The following C6orf89 variants were observed in gnomAD, a reference collection of about 807,000 sequenced individuals.
The protein encoded by C6orf89 is bombesin receptor-activated protein C6orf89.
In C6orf89, 29 loss-of-function variants were observed where a neutral mutation model predicts 40.7. That is an observed-to-expected ratio of 0.71 (90% CI 0.53 to 0.97). The LOEUF is 0.97. Among genes scored for constraint, C6orf89 ranks in the 50% least tolerant of loss-of-function variants. The pLI, the probability that C6orf89 is intolerant of heterozygous loss-of-function variation, is 0.00. For missense variants in C6orf89, 392 were observed against 429.1 expected, an observed-to-expected ratio of 0.91 and a Z score of 0.76; for synonymous variants, 165 against 152.2, an observed-to-expected ratio of 1.08 and a Z score of -0.62.
At position 36,923,854 on chromosome 6, in the gene C6orf89, G is replaced by GGCCTGCTTGTCCCTGTCTT. The variant is rs1328543553; in HGVS notation, c.*420_*438dup. 3 of 279,178 alleles carry GGCCTGCTTGTCCCTGTCTT rather than the reference G, an allele frequency of 1.1e-5. No homozygotes were observed. Among genetic ancestry groups the GGCCTGCTTGTCCCTGTCTT allele is most frequent in the African/African-American group, 6.6e-5 (3 of 45,556 alleles). 17.3% of individuals were successfully genotyped at this position (279,178 alleles called of 1,614,324 possible). A position where few individuals can be genotyped will look rare whatever the true frequency, so the allele number is the denominator to read the frequency against. ...TGTCAGAGCCATCCTTTACCAGGTG[G>GGCCTGCTTGTCCCTGTCTT]GCCTGCTTGTCCCTGTCTTGCCTGC... On this transcript the variant is annotated 3_prime_UTR_variant, in exon 9 of 9. Coordinates refer to ENST00000480824, the MANE Select transcript of C6orf89 (RefSeq NM_001286635.2).
In C6orf89 at chr6:36,914,708, G is replaced by C. The variant is rs765388127; in HGVS notation, c.695+15G>C. The C allele has an allele frequency of 3.1e-6, 5 of 1,610,640 alleles. No homozygotes were observed. In the African/African-American group the frequency reaches 6.7e-5, roughly 22 times the overall value. On this transcript the variant is annotated intron_variant, in intron 6 of 8. Coordinates refer to ENST00000480824, the MANE Select transcript of C6orf89 (RefSeq NM_001286635.2). Reference sequence around the variant, plus strand: ...CCTTATCCATGGTGAGTGTGAAAAGGGCCGGGCACAGTGGCTCATGCCTGT... The same window carrying C: ...CCTTATCCATGGTGAGTGTGAAAAGCGCCGGGCACAGTGGCTCATGCCTGT...
intron 4 of C6orf89, among the ~76,000 whole-genome samples, chr6:36,907,868 A>G (rs1043568179): frequency 2.6e-5 from 4 of 152,218 alleles, no homozygotes; most frequent in Non-Finnish European, 5.9e-5. Flanking sequence ...CTAGGGTGGC[A>G]TGGGCTCGGC....
intron 1 of C6orf89, chr6:36,874,989 A>C: frequency 1.8e-6 from 1 of 543,294 alleles, no homozygotes; most frequent in Admixed American, 3.5e-5. Context: ...GGAAAATGCA[A>C]ACTTCATTCG....
chr6:36,882,685 TAA>T (rs993636778), upstream of C6orf89, among the ~76,000 whole-genome samples: 1 of 151,792 alleles, frequency 6.6e-6, no homozygotes, highest in African/African-American at 2.4e-5. Flanking sequence ...TAAACATTTA[TAA>T]AGAGATTTCA....
intron 3 of C6orf89, among the ~76,000 whole-genome samples, chr6:36,901,741 G>T (rs999427441): frequency 6.6e-6 from 1 of 151,634 alleles, no homozygotes; most frequent in Admixed American, 6.6e-5. Flanking sequence ...CGCGATCTCG[G>T]CTCACTGCAA....
At chr6:36,900,406 T>G (rs1489953031) in intron 3 of C6orf89, among the ~76,000 whole-genome samples, 1 of 151,700 alleles carries the variant, frequency 6.6e-6, no homozygotes, top group Non-Finnish European at 1.5e-5. Context: ...TTCTCCATGT[T>G]GGTCAGGCTG....
At chr6:36,910,452 G>A (rs886198529) in intron 4 of C6orf89, among the ~76,000 whole-genome samples, 2 of 152,036 alleles carry the variant, frequency 1.3e-5, no homozygotes, top group African/African-American at 4.8e-5. Flanking sequence ...TATTGGCCAG[G>A]CATGGTGGCT....
At chr6:36,874,849 C>T in intron 1 of C6orf89, 2 of 1,511,030 alleles carry the variant, frequency 1.3e-6, no homozygotes, top group Non-Finnish European at 9.1e-7. Flanking sequence ...GTCGCTGCTG[C>T]ACACTTCCGG....
chr6:36,885,946 G>A (rs886581104), upstream of C6orf89: 9 of 1,250,740 alleles, frequency 7.2e-6, no homozygotes, highest in Middle Eastern at 2.3e-4. Context: ...TCGCGCTCCC[G>A]GAAACAGGAA....
At chr6:36,874,742 G>T in intron 1 of C6orf89, 1 of 1,614,168 alleles carries the variant, frequency 6.2e-7, no homozygotes, top group Non-Finnish European at 8.5e-7. Flanking sequence ...ACGTTGGGTG[G>T]CTGCCAGGAA....
intron 2 of C6orf89, among the ~76,000 whole-genome samples, chr6:36,880,334 AC>A (rs1316912919): frequency 6.6e-6 from 1 of 152,364 alleles, no homozygotes; most frequent in Admixed American, 6.5e-5. Context: ...CAAGGACTCC[AC>A]CATAAAGCCA....
intron 1 of C6orf89, among the ~76,000 whole-genome samples, chr6:36,873,587 G>A (rs1267373405): frequency 6.6e-6 from 1 of 152,148 alleles, no homozygotes; most frequent in Non-Finnish European, 1.5e-5. Context: ...ACATTGCTTG[G>A]ATTTAACAAT....
At chr6:36,918,538 CAG>C (rs1413712861) in intron 7 of C6orf89, among the ~76,000 whole-genome samples, 1 of 151,894 alleles carries the variant, frequency 6.6e-6, no homozygotes, top group East Asian at 1.9e-4. Flanking sequence ...GGGTTGGGGA[CAG>C]GGGAAGATGG....
intron 3 of C6orf89, among the ~76,000 whole-genome samples, chr6:36,899,911 G>A (rs1761601643): frequency 6.6e-6 from 1 of 152,192 alleles, no homozygotes; most frequent in African/African-American, 2.4e-5. Context: ...TTTTGAGACG[G>A]AGTCTCACTC....
At chr6:36,901,135 T>C (rs913617871) in intron 3 of C6orf89, among the ~76,000 whole-genome samples, 17 of 151,446 alleles carry the variant, frequency 1.1e-4, no homozygotes, top group African/African-American at 4.1e-4. Flanking sequence ...CATGAGCCAC[T>C]GTGCCTGGCC....
intron 1 of C6orf89, among the ~76,000 whole-genome samples, chr6:36,872,556 A>G (rs1774535326): frequency 6.6e-6 from 1 of 152,118 alleles, no homozygotes; most frequent in South Asian, 2.1e-4. Context: ...AGAAAGGACG[A>G]GTGCCTTCCC....
intron 1 of C6orf89, among the ~76,000 whole-genome samples, chr6:36,878,694 A>G (rs765386863): frequency 6.6e-6 from 1 of 152,206 alleles, no homozygotes; most frequent in East Asian, 1.9e-4. Context: ...ACTTAATAGT[A>G]TATACCTGTA....
At chr6:36,904,266 C>G (rs1354742208) in intron 4 of C6orf89, among the ~76,000 whole-genome samples, 1 of 152,220 alleles carries the variant, frequency 6.6e-6, no homozygotes, top group Non-Finnish European at 1.5e-5. Flanking sequence ...TTAAACATTC[C>G]AGAAACATTA....
At position 36,914,292 on chromosome 6, in the gene C6orf89, C is replaced by A; in HGVS notation, c.412C>A (p.Pro138Thr). Residue 138 changes from proline (P) to threonine (T), a missense_variant, in exon 5 of 9, where the codon CCC (proline) becomes ACC (threonine). Transcript: ENST00000480824. Reference sequence around the variant, plus strand: ...ATCCCTTCCTCTCTCAGACTTTGACCCCTGGTGGACAAACGACTGTGAGCA... The same window carrying A: ...ATCCCTTCCTCTCTCAGACTTTGACACCTGGTGGACAAACGACTGTGAGCA... Reference protein sequence around the residue: ...DEDRPFPDFDPWWTNDCEQNE... With the variant: ...DEDRPFPDFDTWWTNDCEQNE... The A allele has an allele frequency of 6.2e-7, 1 of 1,613,322 alleles. No individual in the cohort carries two copies. The highest frequency in any genetic ancestry group is 8.5e-7 in the Non-Finnish European group (1 of 1,179,578).
Sources: gnomAD v4.1 joint callset for allele counts (sites outside exome capture counted in the v4.1 genomes callset) on GRCh38, gnomAD v4.1.1 for gene constraint, MANE v1.5 for transcripts, NCBI Gene and HGNC (gene_info 2026-07-23, HGNC 2026-07-21) for gene names.